PDE6B: variants seen among roughly 807,000 people sequenced by gnomAD.
PDE6B encodes the protein rod cGMP-specific 3',5'-cyclic phosphodiesterase subunit beta.
A neutral mutation model predicts 109.0 loss-of-function variants in PDE6B; 106 were observed. The observed-to-expected ratio is 0.97, with a 90% CI of 0.83 to 1.14. The LOEUF is 1.14. PDE6B is among the 50% of genes most tolerant of loss of function. The pLI is 0.00. For missense variants in PDE6B, 1,193 were observed against 1,155.6 expected (o/e 1.03, Z -0.47); for synonymous variants, 490 against 471.3 (o/e 1.04, Z -0.51).
intron 3 of PDE6B, among the ~76,000 whole-genome samples, chr4:646,697 C>T (rs1209646684): frequency 6.6e-6 from 1 of 152,154 alleles, no homozygotes; most frequent in African/African-American, 2.4e-5. Context: ...CACGCGCAGC[C>T]TCCGGCCGGG....
chr4:660,531 G>T lies in PDE6B; in HGVS notation c.1532G>T (p.Cys511Phe). The change falls in exon 12 of 22, where the codon TGC (cysteine) becomes TTC (phenylalanine). Residue 511 changes from cysteine (C) to phenylalanine (F), a missense_variant. Transcript: ENST00000496514. Reference sequence around the variant, plus strand: ...GAATTCCACTTCTCTGACCTGGAGTGCACCGAACTGGACCTGGTCAAATGT... The same window carrying T: ...GAATTCCACTTCTCTGACCTGGAGTTCACCGAACTGGACCTGGTCAAATGT... ...IYEFHFSDLE[C>F]TELDLVKCGI... 1.2e-6 allele frequency: 2 copies of T among 1,613,472 alleles called. No individual in the cohort carries two copies. Among genetic ancestry groups the T allele is most frequent in the Non-Finnish European group, 8.5e-7 (1 of 1,179,512 alleles).
intron 20 of PDE6B, among the ~76,000 whole-genome samples, chr4:667,452 G>A (rs964042764): frequency 1.5e-4 from 23 of 152,306 alleles, no homozygotes; most frequent in Admixed American, 9.8e-4. Context: ...TGATGTGCGC[G>A]AGTGCACGCG....
chr4:646,443 G>GT (rs896322139), intron 3 of PDE6B, among the ~76,000 whole-genome samples: 9 of 151,910 alleles, frequency 5.9e-5, no homozygotes, highest in Non-Finnish European at 1.2e-4. Context: ...CTTAGGATCA[G>GT]TTTTTTGGCA....
At chr4:661,998 A>C in intron 12 of PDE6B, 136 bp from the exon 13 acceptor site, 1 of 680,328 alleles carries the variant, frequency 1.5e-6, no homozygotes, top group Non-Finnish European at 2.7e-6. Flanking sequence ...GGGATGGGGA[A>C]GATCGGGAAG....
chr4:667,903 G>A lies in PDE6B; in HGVS notation c.2400G>A (p.Leu800=). ...HEEILPMFDR[L]QNNRKEWKAL... is the part of the protein sequence containing the mutation. ...AGATCCTGCCCATGTTCGACCGACT[G>A]CAGAACAATAGGAAAGAGTGGAAGG... The change falls in exon 21 of 22, where the codon CTG becomes CTA. Residue 800 remains leucine (L), a synonymous_variant. Transcript: ENST00000496514. The A allele has an allele frequency of 6.2e-7, 1 of 1,613,646 alleles. No individual in the cohort carries two copies. Among genetic ancestry groups the A allele is most frequent in the Non-Finnish European group, 8.5e-7 (1 of 1,179,774 alleles).
chr4:643,472 T>C (rs1735040523), intron 3 of PDE6B, among the ~76,000 whole-genome samples: 1 of 152,214 alleles, frequency 6.6e-6, no homozygotes, highest in African/African-American at 2.4e-5. Context: ...TTGGAAGGGA[T>C]TGTAGTGAAT....
At chr4:658,077 C>T (rs1577285798) in intron 10 of PDE6B, among the ~76,000 whole-genome samples, 1 of 113,482 alleles carries the variant, frequency 8.8e-6, no homozygotes, top group African/African-American at 3.5e-5. Context: ...AGGGGTCCAT[C>T]CAGGGGTCAC....
chr4:627,850 C>A (rs1187438545), intron 1 of PDE6B, among the ~76,000 whole-genome samples: 1 of 152,114 alleles, frequency 6.6e-6, no homozygotes, highest in Admixed American at 6.5e-5. Context: ...ACCCCTTCAC[C>A]CCTTTGTCCC....
intron 10 of PDE6B, among the ~76,000 whole-genome samples, chr4:658,080 G>A (rs530675186): frequency 4.2e-5 from 6 of 143,336 alleles, no homozygotes; most frequent in African/African-American, 1.6e-4. Flanking sequence ...GGTCCATCCA[G>A]GGGTCACCCA....
At chr4:654,034 C>A in intron 4 of PDE6B, 42 bp downstream of exon 4, 1 of 1,613,674 alleles carries the variant, frequency 6.2e-7, no homozygotes, top group Non-Finnish European at 8.5e-7. Context: ...CTGGCCCGAC[C>A]CAGGTCCCGC....
Position 662,028 on chromosome 4 carries a change from A to T in PDE6B, c.1615-106A>T. On this transcript the variant is annotated intron_variant, in intron 12 of 21. Transcript: ENST00000496514. The surrounding 1 kb of genome is among the most constrained non-coding windows in gnomAD (Gnocchi z 4.3). Reference sequence around the variant, plus strand: ...GGGAAGTCCAGGAGACGGTGTGGGGATGATGGCACGGAGCAGGGCTTCCAC... The same window carrying T: ...GGGAAGTCCAGGAGACGGTGTGGGGTTGATGGCACGGAGCAGGGCTTCCAC... The T allele has an allele frequency of 1.4e-6, 1 of 708,504 alleles. No individual in the cohort carries two copies. The highest frequency in any genetic ancestry group is 2.7e-5 in the East Asian group (1 of 37,098). 43.9% of individuals were successfully genotyped at this position (708,504 alleles called of 1,614,324 possible).
intron 1 of PDE6B, among the ~76,000 whole-genome samples, chr4:627,150 G>A (rs895065996): frequency 7.0e-6 from 1 of 143,214 alleles, no homozygotes; most frequent in Non-Finnish European, 1.5e-5. Context: ...TCGTTTGTGG[G>A]TTTTTTTTTT....
intron 3 of PDE6B, among the ~76,000 whole-genome samples, chr4:642,847 A>T (rs1304161486): frequency 6.6e-6 from 1 of 150,556 alleles, no homozygotes; most frequent in Admixed American, 6.6e-5. Flanking sequence ...ATTCAGAATG[A>T]GTGTTGGATT....
At position 636,974 on chromosome 4, in the gene PDE6B, A is replaced by G. The variant is rs1022968555; in HGVS notation, c.711+1005A>G. Among the ~76,000 whole-genome samples, 6 of 152,228 alleles carry G rather than the reference A, an allele frequency of 3.9e-5. No individual in the cohort carries two copies. The highest frequency in any genetic ancestry group is 1.4e-4 in the African/African-American group (6 of 41,456). On this transcript the variant is annotated intron_variant, in intron 3 of 21. Transcript: ENST00000496514. This position sits in a 1 kb window ranked among gnomAD's most constrained non-coding sequence, Gnocchi z 4.5. ...GCCGTGGGAACCAGGGACCAGGGAG[A>G]GCATCTGTGTAATGTATCTGGAATT...
chr4:664,244 C>T (rs746996070), intron 17 of PDE6B, 23 bp downstream of exon 17: 1 of 1,303,112 alleles, frequency 7.7e-7, no homozygotes, highest in East Asian at 2.3e-5. Flanking sequence ...GGAGGGGGCA[C>T]GAGGGGTCCT....
rs1204692489 is a variant in PDE6B, at chr4:660,568, G to A, written c.1569G>A (p.Met523Ile). The A allele has an allele frequency of 6.2e-7, 1 of 1,613,720 alleles. No homozygotes were observed. The highest frequency in any genetic ancestry group is 8.5e-7 in the Non-Finnish European group (1 of 1,179,914). The change falls in exon 12 of 22, where the codon ATG becomes ATA. Residue 523 changes from methionine to isoleucine, a missense_variant. Physicochemically the swap from Met to Ile is conservative, Grantham distance 10. Coordinates refer to ENST00000496514, the MANE Select transcript of PDE6B (RefSeq NM_000283.4). ...ELDLVKCGIQ[M>I]YYELGVVRKF... ...ACCTGGTCAAATGTGGCATCCAGAT[G>A]TACTACGAGCTGGGCGTGGTCCGAA...
At chr4:629,259 G>A (rs192768349) in intron 1 of PDE6B, among the ~76,000 whole-genome samples, 13 of 152,304 alleles carry the variant, frequency 8.5e-5, no homozygotes, top group African/African-American at 1.9e-4. Flanking sequence ...CAGGGACGCC[G>A]CCCACACCTG....
chr4:668,519 G>C (rs1436337472), intron 21 of PDE6B, among the ~76,000 whole-genome samples: 1,746 of 43,930 alleles, frequency 0.04, 71 homozygotes, highest in Middle Eastern at 0.083. Flanking sequence ...CCCCATGCTA[G>C]TACCACTACC....
chr4:635,895 C>A lies in PDE6B; in HGVS notation c.637C>A (p.Leu213Met). Residue 213 changes from leucine to methionine, a missense_variant, in exon 3 of 22, where the codon CTG (leucine) becomes ATG (methionine). By Grantham distance (15) the Leu-to-Met change is conservative. Transcript: ENST00000496514. ...SEDEDVFLKY[L>M]NFATLYLKIY... is the part of the protein sequence containing the mutation. ...CCTGTTTCAGGTGTTCTTGAAGTAC[C>A]TGAATTTTGCCACGTTGTACCTGAA... 6.3e-7 allele frequency: 1 copy of A among 1,585,794 alleles called. No individual in the cohort carries two copies. Among genetic ancestry groups the A allele is most frequent in the Non-Finnish European group, 8.7e-7 (1 of 1,154,226 alleles).
Sources: gnomAD v4.1 joint callset for allele counts (sites outside exome capture counted in the v4.1 genomes callset) on GRCh38, gnomAD v4.1.1 for gene constraint, Gnocchi (gnomAD v3.1) non-coding constraint, MANE v1.5 for transcripts, NCBI Gene and HGNC (gene_info 2026-07-23, HGNC 2026-07-21) for gene names.